The following BCAR3 variants were observed in gnomAD, a reference collection of about 807,000 sequenced individuals.
The protein encoded by BCAR3 is BCAR3 adaptor protein, NSP family member, also known as breast cancer anti-estrogen resistance protein 3.
BCAR3 carries 37 observed loss-of-function variants against 80.1 expected under a neutral mutation model. That is an observed-to-expected ratio of 0.46 (90% CI 0.36 to 0.61). BCAR3 has a LOEUF of 0.61. Among genes scored for constraint, BCAR3 ranks in the 20% least tolerant of loss-of-function variants. BCAR3 has a pLI of 0.00. For synonymous variants in BCAR3, 389 were observed against 418.9 expected, an observed-to-expected ratio of 0.93 and a Z score of 0.87; for missense variants, 978 against 1,068.2, an observed-to-expected ratio of 0.92 and a Z score of 1.18.
At chr1:93,642,411 T>G in intron 2 of BCAR3, 68 bp from the exon 3 acceptor site, 4 of 1,413,970 alleles carry the variant, frequency 2.8e-6, no homozygotes, top group Non-Finnish European at 4.0e-6. Context: ...GTATAATGTG[T>G]CCAACATTAT....
At chr1:93,687,865 C>T (rs1649030510) in intron 3 of BCAR3, among the ~76,000 whole-genome samples, 2 of 152,146 alleles carry the variant, frequency 1.3e-5, no homozygotes, top group Admixed American at 1.3e-4. Context: ...TTGCCAAGCC[C>T]TAACAGTAAC....
chr1:93,664,110 C>A (rs998863457), intron 2 of BCAR3, among the ~76,000 whole-genome samples: 1 of 152,150 alleles, frequency 6.6e-6, no homozygotes, highest in Admixed American at 6.5e-5. Flanking sequence ...ATTTCAACAG[C>A]GAGTTCCTAC....
In BCAR3 at chr1:93,819,107, G is replaced by T. The variant is rs188442418; in HGVS notation, c.-63+26460C>A. 1.6e-4 allele frequency among the ~76,000 whole-genome samples: 24 copies of T among 150,300 alleles called. 1 individual carries two copies. The highest frequency in any genetic ancestry group is 5.6e-4 in the African/African-American group (23 of 40,856). ...TTCTGAGATGGAGTCTCACTCTGTTGCCGGGCTAGAGTGCAGTGGTGTAAT... is the reference window on the plus strand; with the variant it reads ...TTCTGAGATGGAGTCTCACTCTGTTTCCGGGCTAGAGTGCAGTGGTGTAAT... On this transcript the variant is annotated intron_variant, in intron 2 of 13. Coordinates refer to the BCAR3 transcript ENST00000370244.
chr1:93,828,497 T>TC (rs766246731), intron 2 of BCAR3, among the ~76,000 whole-genome samples: 8 of 152,080 alleles, frequency 5.3e-5, no homozygotes, highest in Admixed American at 2.6e-4. Context: ...AGAGGGGTTC[T>TC]CCCCTCTGCC....
chr1:93,692,160 G>A (rs1557656103), intron 3 of BCAR3, among the ~76,000 whole-genome samples: 3 of 152,126 alleles, frequency 2.0e-5, no homozygotes, highest in South Asian at 2.1e-4. Flanking sequence ...CGCACAGCTC[G>A]GCATCCAGTG....
At chr1:93,618,170 G>A (rs1312687678) in intron 3 of BCAR3, among the ~76,000 whole-genome samples, 1 of 152,208 alleles carries the variant, frequency 6.6e-6, no homozygotes, top group Non-Finnish European at 1.5e-5. Flanking sequence ...TTCTTGCTCC[G>A]AAAGGGAATG....
chr1:93,746,396 A>C lies in BCAR3; in HGVS notation c.-62-40254T>G, dbSNP rs192079899. Among the ~76,000 whole-genome samples the C allele has an allele frequency of 3.4e-3, 516 of 152,336 alleles. 3 individuals carry two copies. The highest frequency in any genetic ancestry group is 0.011 in the African/African-American group (471 of 41,574). On this transcript the variant is annotated intron_variant, in intron 2 of 13. Transcript: ENST00000370244. ...TGCCTCTTGAAGTAAACACTTGCAA[A>C]CACTAGATGTAAAGTTGAGACCTTC...
In BCAR3 at chr1:93,754,828, T is replaced by C. The variant is rs111673043; in HGVS notation, c.-62-48686A>G. Among the ~76,000 whole-genome samples the C allele has an allele frequency of 7.2e-4, 110 of 152,334 alleles. 1 individual carries two copies. Among genetic ancestry groups the C allele is most frequent in the African/African-American group, 2.1e-3 (88 of 41,566 alleles). On this transcript the variant is annotated intron_variant, in intron 2 of 13. Coordinates refer to the BCAR3 transcript ENST00000370244. ...TTTATTATACTATAATTTTATGTTATTTTAGAGTGTACCCCTACTAAAAAA... is the reference window on the plus strand; with the variant it reads ...TTTATTATACTATAATTTTATGTTACTTTAGAGTGTACCCCTACTAAAAAA...
At chr1:93,798,618 G>C (rs1303133727) in intron 2 of BCAR3, among the ~76,000 whole-genome samples, 1 of 152,182 alleles carries the variant, frequency 6.6e-6, no homozygotes, top group African/African-American at 2.4e-5. Flanking sequence ...TTTTTGGCCA[G>C]TTAGACAACC....
At chr1:93,667,735 C>T (rs1253164377) in intron 2 of BCAR3, among the ~76,000 whole-genome samples, 1 of 152,196 alleles carries the variant, frequency 6.6e-6, no homozygotes, top group African/African-American at 2.4e-5. Flanking sequence ...ATTCTACATC[C>T]AATCCCACAG....
At chr1:93,813,047 G>C (rs942339392) in intron 2 of BCAR3, among the ~76,000 whole-genome samples, 7 of 152,192 alleles carry the variant, frequency 4.6e-5, no homozygotes, top group Admixed American at 6.5e-5. Flanking sequence ...AAAGCTGTAG[G>C]TGGTGGTTCC....
chr1:93,785,160 G>A (rs1652896311), intron 2 of BCAR3, among the ~76,000 whole-genome samples: 1 of 152,166 alleles, frequency 6.6e-6, no homozygotes, highest in South Asian at 2.1e-4. Flanking sequence ...AAATGAGAGA[G>A]AGGATTAAAA....
intron 2 of BCAR3, among the ~76,000 whole-genome samples, chr1:93,724,428 T>C (rs1336208160): frequency 6.6e-6 from 1 of 152,226 alleles, no homozygotes; most frequent in Non-Finnish European, 1.5e-5. Context: ...TGGACTGTTA[T>C]AACTCCCAAG....
At chr1:93,777,898 T>C (rs1652633244) in intron 2 of BCAR3, among the ~76,000 whole-genome samples, 1 of 152,234 alleles carries the variant, frequency 6.6e-6, no homozygotes, top group Non-Finnish European at 1.5e-5. Flanking sequence ...AGGTGAACAA[T>C]GGTCTTTATT....
At chr1:93,644,564 G>C (rs112835956) in intron 2 of BCAR3, among the ~76,000 whole-genome samples, 216 of 152,218 alleles carry the variant, frequency 1.4e-3, no homozygotes, top group African/African-American at 4.8e-3. Context: ...CAACCACCAG[G>C]GGCACATTCT....
intron 7 of BCAR3, among the ~76,000 whole-genome samples, chr1:93,579,349 A>AGAT (rs1424771961): frequency 6.6e-6 from 1 of 152,224 alleles, no homozygotes; most frequent in Non-Finnish European, 1.5e-5. Flanking sequence ...GGTTCCAGGA[A>AGAT]GATAACATGG....
chr1:93,839,030 T>C (rs1338779233), intron 2 of BCAR3, among the ~76,000 whole-genome samples: 2 of 152,202 alleles, frequency 1.3e-5, no homozygotes, highest in Non-Finnish European at 2.9e-5. Flanking sequence ...GTGCCAGGCG[T>C]GGTGGCTCAC....
intron 11 of BCAR3, among the ~76,000 whole-genome samples, chr1:93,564,290 CTTTTTT>C (rs35780346): frequency 9.6e-5 from 10 of 103,724 alleles, no homozygotes; most frequent in East Asian, 2.7e-4. Flanking sequence ...TTCTTTCTTT[CTTTTTT>C]TTTTTTTTTT....
intron 11 of BCAR3, among the ~76,000 whole-genome samples, chr1:93,563,544 G>C (rs1672792038): frequency 6.6e-6 from 1 of 152,104 alleles, no homozygotes; most frequent in Non-Finnish European, 1.5e-5. Flanking sequence ...TCTAGGAAAG[G>C]AATTATTGGG....
Sources: allele counts gnomAD v4.1 joint callset (sites outside exome capture counted in the v4.1 genomes callset), GRCh38; gene constraint gnomAD v4.1.1; transcripts MANE v1.5; gene names NCBI Gene and HGNC (gene_info 2026-07-23, HGNC 2026-07-21).